Variants in SNRPN observed in about 807,000 individuals in gnomAD.
The protein encoded by SNRPN is small nuclear ribonucleoprotein polypeptide N, also known as small nuclear ribonucleoprotein-associated protein N.
Under a neutral mutation model 25.2 loss-of-function variants are expected in SNRPN, and 7 were observed. The observed-to-expected ratio is 0.28, with a 90% CI of 0.16 to 0.52. The LOEUF (loss-of-function observed/expected upper bound fraction) is 0.52, where lower values mean the gene tolerates loss of function less well. Among genes scored for constraint, SNRPN ranks in the 20% least tolerant of loss-of-function variants. The pLI is 0.96. For synonymous variants in SNRPN, 124 were observed against 110.6 expected, an observed-to-expected ratio of 1.12 and a Z score of -0.76; for missense variants, 196 against 322.5, an observed-to-expected ratio of 0.61 and a Z score of 3.00.
chr15:24,900,898 C>T (rs557824872), intron 2 of SNRPN, among the ~76,000 whole-genome samples: 2 of 152,024 alleles, frequency 1.3e-5, no homozygotes, highest in East Asian at 1.9e-4. Flanking sequence ...AATTTAAGAC[C>T]GGTTTGGGCA....
rs149810760 is a variant in SNRPN, at chr15:24,956,701, G to C, written c.-391+1639G>C. Among the ~76,000 whole-genome samples the C allele has an allele frequency of 7.6e-3, 1,153 of 152,312 alleles. 4 individuals are homozygous for C. The highest frequency in any genetic ancestry group is 0.012 in the Non-Finnish European group (808 of 68,026). ...TCCTTTCCGGTTGTGGCGCAGTAGA[G>C]GGGGGAGGAGGGAGATGGGTTGGCG... is the stretch of plus-strand genomic sequence containing the variant. On this transcript the variant is annotated intron_variant, in intron 1 of 9. Transcript: ENST00000390687.
At chr15:24,949,237 G>A (rs188439175) in intron 3 of SNRPN, among the ~76,000 whole-genome samples, 1 of 151,862 alleles carries the variant, frequency 6.6e-6, no homozygotes, top group East Asian at 1.9e-4. Context: ...GGCCAGGCTG[G>A]TCTTGAACTC....
chr15:24,971,736 GT>G (rs2076434630), intron 3 of SNRPN, among the ~76,000 whole-genome samples: 1 of 152,066 alleles, frequency 6.6e-6, no homozygotes, highest in African/African-American at 2.4e-5. Context: ...GCATAAATGG[GT>G]TAAAAACGGC....
upstream of SNRPN, among the ~76,000 whole-genome samples, chr15:24,853,888 T>A (rs942378155): frequency 5.9e-5 from 9 of 152,214 alleles, no homozygotes; most frequent in Admixed American, 3.9e-4. Context: ...AAGAAGTCAT[T>A]AGGCTTAGTA....
At chr15:24,963,391 CG>C (rs1293946689) in intron 2 of SNRPN, among the ~76,000 whole-genome samples, 2 of 151,902 alleles carry the variant, frequency 1.3e-5, no homozygotes, top group African/African-American at 4.8e-5. Flanking sequence ...CTAAGCCAGG[CG>C]GATCACAAGG....
chr15:24,837,454 C>T (rs939040110), intron 2 of SNRPN, among the ~76,000 whole-genome samples: 6 of 151,542 alleles, frequency 4.0e-5, no homozygotes, highest in Non-Finnish European at 7.4e-5. Flanking sequence ...CTGCAAGCTC[C>T]GCCTCCTGGG....
At chr15:24,868,695 C>A (rs1413449482) in intron 1 of SNRPN, among the ~76,000 whole-genome samples, 1 of 152,104 alleles carries the variant, frequency 6.6e-6, no homozygotes, top group East Asian at 1.9e-4. Flanking sequence ...AACCTGAATT[C>A]TTTTGAAAAG....
At chr15:24,843,986 AC>A (rs765230451) in intron 2 of SNRPN, among the ~76,000 whole-genome samples, 293 of 151,944 alleles carry the variant, frequency 1.9e-3, no homozygotes, top group Middle Eastern at 6.8e-3. Context: ...AAAAAAAAAA[AC>A]GTATGATTCA....
At chr15:24,956,354 C>CGGA (rs66513284) in intron 1 of SNRPN, among the ~76,000 whole-genome samples, 1 of 138,158 alleles carries the variant, frequency 7.2e-6, no homozygotes, top group African/African-American at 2.7e-5. Flanking sequence ...AGCGCTTCAG[C>CGGA]GGGGGGGTGG....
chr15:24,913,708 C>T (rs1399481743), intron 2 of SNRPN, among the ~76,000 whole-genome samples: 1 of 151,760 alleles, frequency 6.6e-6, no homozygotes, highest in Non-Finnish European at 1.5e-5. Context: ...AAAAATAACA[C>T]TCAGTTTATT....
chr15:24,916,941 G>C (rs2059565129), intron 2 of SNRPN, among the ~76,000 whole-genome samples: 1 of 152,230 alleles, frequency 6.6e-6, no homozygotes, highest in Admixed American at 6.5e-5. Flanking sequence ...GACTGAGCAG[G>C]TTGCCACTGG....
At chr15:24,966,776 A>G (rs1056183178) in intron 2 of SNRPN, among the ~76,000 whole-genome samples, 2 of 152,182 alleles carry the variant, frequency 1.3e-5, no homozygotes, top group Non-Finnish European at 2.9e-5. Context: ...CTGAAAAACC[A>G]TAGAAAAAAG....
rs531911101 is a variant in SNRPN at position 24,939,229 on chromosome 15, A to G, written c.-391+19105A>G. ...AAGGTTTTCAATTCCTCTGGTCTTCACCATGACTTACGTTCTGTTTCTTCT... is the reference window on the plus strand; with the variant it reads ...AAGGTTTTCAATTCCTCTGGTCTTCGCCATGACTTACGTTCTGTTTCTTCT... On this transcript the variant is annotated intron_variant, in intron 3 of 11. Coordinates refer to the SNRPN transcript ENST00000400097. Among the ~76,000 whole-genome samples the G allele has an allele frequency of 2.0e-5, 3 of 152,232 alleles. No individual in the cohort carries two copies. The South Asian group carries it at 6.2e-4, about 32-fold the overall frequency.
At chr15:24,831,024 T>G (rs2050469555) in intron 2 of SNRPN, among the ~76,000 whole-genome samples, 2 of 152,096 alleles carry the variant, frequency 1.3e-5, no homozygotes, top group African/African-American at 4.8e-5. Context: ...AGAGGAGTGT[T>G]GAAAGTCTCC....
At chr15:24,889,306 T>A (rs1364190883) in intron 2 of SNRPN, among the ~76,000 whole-genome samples, 5 of 152,076 alleles carry the variant, frequency 3.3e-5, no homozygotes, top group Non-Finnish European at 7.3e-5. Flanking sequence ...TTAATTTTTT[T>A]ATTTTTTTAT....
At chr15:24,953,624 A>G (rs1053072903), upstream of SNRPN, among the ~76,000 whole-genome samples, 2 of 152,300 alleles carry the variant, frequency 1.3e-5, no homozygotes, top group South Asian at 2.1e-4. Flanking sequence ...CCCAGCCTAC[A>G]TTTTATTTTT....
intron 2 of SNRPN, among the ~76,000 whole-genome samples, chr15:24,907,686 T>A (rs1162056926): frequency 1.3e-5 from 2 of 151,386 alleles, no homozygotes; most frequent in South Asian, 4.2e-4. Flanking sequence ...GCTCAAGTGA[T>A]CCTCCCACCT....
chr15:24,851,564 A>T (rs929137587), upstream of SNRPN: 2 of 153,094 alleles, frequency 1.3e-5, no homozygotes, highest in African/African-American at 4.8e-5. Context: ...CAGGAGCGGG[A>T]AGGGCAGACC....
intron 2 of SNRPN, among the ~76,000 whole-genome samples, chr15:24,962,501 A>G (rs897363333): frequency 1.3e-5 from 2 of 152,176 alleles, no homozygotes; most frequent in Admixed American, 1.3e-4. Flanking sequence ...ATTTTTCTGC[A>G]TTATTAAATC....
Sources: allele counts gnomAD v4.1 joint callset (sites outside exome capture counted in the v4.1 genomes callset), GRCh38; gene constraint gnomAD v4.1.1; transcripts MANE v1.5; gene names NCBI Gene and HGNC (gene_info 2026-07-23, HGNC 2026-07-21).